FTCDNL1: variants seen among roughly 807,000 people sequenced by gnomAD.
The protein encoded by FTCDNL1 is formiminotransferase N-terminal subdomain-containing protein.
A neutral mutation model predicts 5.9 loss-of-function variants in FTCDNL1; 11 were observed. The observed-to-expected ratio is 1.87, with a 90% confidence interval of 1.18 to 3.10. FTCDNL1 has a LOEUF of 3.10. Among genes scored for constraint, FTCDNL1 ranks in the 30% most tolerant of loss-of-function variants. FTCDNL1 has a pLI of 0.00. For synonymous variants in FTCDNL1, 58 were observed against 24.8 expected, an observed-to-expected ratio of 2.34 and a Z score of -3.99; for missense variants, 115 against 65.5, an observed-to-expected ratio of 1.76 and a Z score of -2.61.
At chr2:199,700,294 T>C in the FTCDNL1 span, among the ~76,000 whole-genome samples, 1 of 152,144 alleles carries the variant, frequency 6.6e-6, no homozygotes, top group Non-Finnish European at 1.5e-5. Flanking sequence ...TACAATCCCA[T>C]TTACAATGCT....
chr2:199,803,048 G>C (rs1011457048), intron 3 of FTCDNL1, among the ~76,000 whole-genome samples: 3 of 151,786 alleles, frequency 2.0e-5, no homozygotes. Context: ...AAAAAAATTA[G>C]CCAGCTGTGG....
In FTCDNL1 at chr2:199,809,453, A is replaced by G. The variant is rs1265310345; in HGVS notation, c.*3252T>C. Among the ~76,000 whole-genome samples, 2 of 152,150 alleles carry G rather than the reference A, an allele frequency of 1.3e-5. No homozygotes were observed. The highest frequency in any genetic ancestry group is 3.8e-4 in the East Asian group (2 of 5,198). ...TTTTGCGCTCTTATTAAAGAAGATC[A>G]CAGTCTTTCTTGCTAAACTCAATTT... On this transcript the variant is annotated 3_prime_UTR_variant, in exon 5 of 5. Transcript: ENST00000420128.
At chr2:199,825,078 C>A (rs547661686) in intron 3 of FTCDNL1, among the ~76,000 whole-genome samples, 10 of 148,586 alleles carry the variant, frequency 6.7e-5, no homozygotes, top group African/African-American at 2.0e-4. Flanking sequence ...ACCAAGGCTG[C>A]AGTGAGCCAT....
chr2:199,736,868 G>A, the FTCDNL1 span, among the ~76,000 whole-genome samples: 2 of 152,200 alleles, frequency 1.3e-5, no homozygotes, highest in Non-Finnish European at 2.9e-5. Flanking sequence ...TGGGTTGAAG[G>A]GTTGTTTGAT....
intron 3 of FTCDNL1, among the ~76,000 whole-genome samples, chr2:199,823,501 CT>C (rs1701824443): frequency 6.6e-6 from 1 of 152,310 alleles, no homozygotes; most frequent in Non-Finnish European, 1.5e-5. Flanking sequence ...AAAATTACTC[CT>C]TGATCCATGG....
intron 4 of FTCDNL1, among the ~76,000 whole-genome samples, chr2:199,816,995 G>A (rs1701386852): frequency 6.6e-6 from 1 of 152,184 alleles, no homozygotes; most frequent in Non-Finnish European, 1.5e-5. Flanking sequence ...CTTAATATCT[G>A]TTTCATTAAC....
the FTCDNL1 span, among the ~76,000 whole-genome samples, chr2:199,731,458 A>G: frequency 6.6e-6 from 1 of 152,252 alleles, no homozygotes; most frequent in African/African-American, 2.4e-5. Flanking sequence ...AATTGAAGTT[A>G]GGAACAATGT....
At chr2:199,761,485 C>T (rs544222045) in intron 3 of FTCDNL1, among the ~76,000 whole-genome samples, 2 of 152,294 alleles carry the variant, frequency 1.3e-5, no homozygotes, top group South Asian at 2.1e-4. Context: ...CGATGTTTCT[C>T]AGCTGGACAC....
the FTCDNL1 span, among the ~76,000 whole-genome samples, chr2:199,731,111 C>T: frequency 1.3e-5 from 2 of 152,176 alleles, no homozygotes; most frequent in South Asian, 2.1e-4. Flanking sequence ...CCAAACACTG[C>T]ATGTTCTCAC....
chr2:199,776,956 A>G (rs1347617046), intron 3 of FTCDNL1, among the ~76,000 whole-genome samples: 4 of 110,230 alleles, frequency 3.6e-5, no homozygotes, highest in Middle Eastern at 4.3e-3. Flanking sequence ...AGATGTGTGT[A>G]TATGTGTGTG....
At chr2:199,777,836 AAAG>A (rs1479230388) in intron 3 of FTCDNL1, among the ~76,000 whole-genome samples, 2 of 152,060 alleles carry the variant, frequency 1.3e-5, no homozygotes, top group Non-Finnish European at 2.9e-5. Context: ...CTCCAGCGCC[AAAG>A]GAGGGAGCGT....
At chr2:199,736,377 G>T in the FTCDNL1 span, among the ~76,000 whole-genome samples, 1 of 152,250 alleles carries the variant, frequency 6.6e-6, no homozygotes, top group East Asian at 1.9e-4. Flanking sequence ...ATACCAGTTT[G>T]CACTCTGGCC....
chr2:199,785,015 C>A (rs1169585955), intron 3 of FTCDNL1, among the ~76,000 whole-genome samples: 2 of 151,964 alleles, frequency 1.3e-5, no homozygotes, highest in Admixed American at 6.6e-5. Context: ...TAATTCTATT[C>A]CCCTGAAACT....
intron 3 of FTCDNL1, among the ~76,000 whole-genome samples, chr2:199,775,917 T>C (rs1303787459): frequency 6.7e-6 from 1 of 149,732 alleles, no homozygotes; most frequent in Non-Finnish European, 1.5e-5. Flanking sequence ...ATCTCCTTTT[T>C]TTTTTTTTTT....
intron 1 of FTCDNL1, 87 bp downstream of exon 1, chr2:199,850,653 T>C (rs1181363577): frequency 2.6e-5 from 4 of 152,320 alleles, no homozygotes; most frequent in Non-Finnish European, 5.9e-5. Context: ...CCTCTGGTGA[T>C]AGATTAAACA....
At chr2:199,769,012 G>A (rs1027447119) in intron 3 of FTCDNL1, among the ~76,000 whole-genome samples, 1 of 152,094 alleles carries the variant, frequency 6.6e-6, no homozygotes, top group Non-Finnish European at 1.5e-5. Context: ...CTGCAATCAA[G>A]GGGACACTGC....
At chr2:199,776,781 A>G (rs1002756482) in intron 3 of FTCDNL1, among the ~76,000 whole-genome samples, 1 of 152,220 alleles carries the variant, frequency 6.6e-6, no homozygotes, top group African/African-American at 2.4e-5. Flanking sequence ...TAATCACTGT[A>G]TTAGTATACT....
chr2:199,749,712 G>T, the FTCDNL1 span, among the ~76,000 whole-genome samples: 1 of 152,154 alleles, frequency 6.6e-6, no homozygotes, highest in Non-Finnish European at 1.5e-5. Flanking sequence ...CTTTACAGAT[G>T]AGAGAGCTGC....
chr2:199,750,278 A>G, the FTCDNL1 span, among the ~76,000 whole-genome samples: 3 of 151,936 alleles, frequency 2.0e-5, no homozygotes, highest in African/African-American at 7.3e-5. Flanking sequence ...GGATTGCTAG[A>G]GCCTGAGAGG....
Sources: gnomAD v4.1 joint callset for allele counts (sites outside exome capture counted in the v4.1 genomes callset) on GRCh38, gnomAD v4.1.1 for gene constraint, MANE v1.5 for transcripts, NCBI Gene and HGNC (gene_info 2026-07-23, HGNC 2026-07-21) for gene names.